The following CDKAL1 variants were observed in gnomAD, a reference collection of about 807,000 sequenced individuals.
The protein encoded by CDKAL1 is threonylcarbamoyladenosine tRNA methylthiotransferase.
In CDKAL1, 32 loss-of-function variants were observed where a neutral mutation model predicts 68.2. The observed-to-expected ratio is 0.47, with a 90% confidence interval of 0.35 to 0.63. The LOEUF is 0.63. CDKAL1 is among the 30% of genes least tolerant of loss of function. The probability of loss-of-function intolerance (pLI) is 0.00; values close to 1 mark genes in which losing one functional copy is unlikely to be tolerated. For synonymous variants in CDKAL1, 234 were observed against 244.3 expected (o/e 0.96, Z 0.39); for missense variants, 606 against 696.7 (o/e 0.87, Z 1.47).
chr6:20,802,026 G>C (rs1348854447), intron 8 of CDKAL1, among the ~76,000 whole-genome samples: 1 of 152,100 alleles, frequency 6.6e-6, no homozygotes, highest in South Asian at 2.1e-4. Context: ...GCCGGGTGCA[G>C]TGGTGGCAAA....
At chr6:20,921,874 A>G (rs1259618213) in intron 9 of CDKAL1, among the ~76,000 whole-genome samples, 2 of 152,200 alleles carry the variant, frequency 1.3e-5, no homozygotes, top group Admixed American at 1.3e-4. Context: ...AATTGCAGTT[A>G]TCTCTACTAT....
intron 4 of CDKAL1, among the ~76,000 whole-genome samples, chr6:20,605,030 C>T (rs553215691): frequency 1.1e-4 from 16 of 152,020 alleles, no homozygotes; most frequent in South Asian, 2.1e-4. Context: ...ATTTTGCAGT[C>T]CTTACACTAC....
intron 8 of CDKAL1, among the ~76,000 whole-genome samples, chr6:20,828,251 C>G (rs978219102): frequency 6.6e-6 from 1 of 151,942 alleles, no homozygotes; most frequent in Non-Finnish European, 1.5e-5. Flanking sequence ...TATTTTGAGA[C>G]AGAGTCTTGC....
chr6:20,858,403 A>G (rs781185879), intron 9 of CDKAL1, among the ~76,000 whole-genome samples: 3 of 152,164 alleles, frequency 2.0e-5, no homozygotes, highest in Admixed American at 6.5e-5. Context: ...CACACTGTAT[A>G]TAATTAGAAG....
At chr6:21,192,069 C>T (rs1259758123) in intron 13 of CDKAL1, among the ~76,000 whole-genome samples, 20 of 108,758 alleles carry the variant, frequency 1.8e-4, no homozygotes, top group African/African-American at 5.4e-4. Flanking sequence ...GGCCGGACTG[C>T]GGACTGCAGT....
At chr6:20,922,716 C>A (rs4712567) in intron 9 of CDKAL1, among the ~76,000 whole-genome samples, 145,984 of 152,294 alleles carry the variant, frequency 0.96, 69,979 homozygotes, top group East Asian at 1. Context: ...AGAACAGAGA[C>A]ATAGAAGTTT....
intron 8 of CDKAL1, among the ~76,000 whole-genome samples, chr6:20,822,815 A>G (rs570547669): frequency 9.9e-5 from 15 of 152,080 alleles, no homozygotes; most frequent in South Asian, 2.1e-4. Flanking sequence ...CCATGATTTA[A>G]GTTTCCAAGC....
intron 10 of CDKAL1, among the ~76,000 whole-genome samples, chr6:20,956,637 A>G (rs1310536164): frequency 6.6e-6 from 1 of 152,188 alleles, no homozygotes; most frequent in Non-Finnish European, 1.5e-5. Context: ...CTGAAATTTA[A>G]TGCAAATGCT....
At chr6:21,071,337 C>T (rs1002049243) in intron 12 of CDKAL1, among the ~76,000 whole-genome samples, 33 of 152,098 alleles carry the variant, frequency 2.2e-4, no homozygotes, top group African/African-American at 8.0e-4. Flanking sequence ...TCCCTCTTGA[C>T]TCTCCTCTCT....
chr6:20,837,744 T>TATAATAATAATAATA (rs56163103), intron 8 of CDKAL1, among the ~76,000 whole-genome samples: 4,973 of 148,002 alleles, frequency 0.034, 128 homozygotes, highest in Admixed American at 0.073. Context: ...CACTTCAGCA[T>TATAATAATAATAATA]ATAATAATAA....
chr6:20,587,197 A>G (rs1303116849), intron 4 of CDKAL1, among the ~76,000 whole-genome samples: 2 of 151,802 alleles, frequency 1.3e-5, no homozygotes, highest in African/African-American at 2.4e-5. Flanking sequence ...ATTTTGGCCA[A>G]GCTGATCTCG....
chr6:21,197,052 G>A (rs1778499806), intron 13 of CDKAL1, among the ~76,000 whole-genome samples: 1 of 152,010 alleles, frequency 6.6e-6, no homozygotes, highest in South Asian at 2.1e-4. Flanking sequence ...CAGCTACTCG[G>A]GAGGCTGAGG....
chr6:21,116,949 CA>C (rs1271627617), intron 13 of CDKAL1, among the ~76,000 whole-genome samples: 1 of 152,182 alleles, frequency 6.6e-6, no homozygotes, highest in Admixed American at 6.5e-5. Context: ...TGCCAAGAGC[CA>C]GAGTACTTCC....
chr6:20,844,343 A>T (rs1258560166), intron 8 of CDKAL1, among the ~76,000 whole-genome samples: 4 of 152,168 alleles, frequency 2.6e-5, no homozygotes, highest in African/African-American at 2.4e-5. Context: ...TTGCATGTTT[A>T]TGCAGCTAAG....
At chr6:20,692,987 G>A (rs1395761144) in intron 5 of CDKAL1, among the ~76,000 whole-genome samples, 4 of 151,758 alleles carry the variant, frequency 2.6e-5, no homozygotes, top group African/African-American at 7.3e-5. Context: ...AAAATTAGCC[G>A]GGCATGGTGG....
chr6:20,952,373 C>A (rs1202154774), intron 9 of CDKAL1, among the ~76,000 whole-genome samples: 1 of 152,060 alleles, frequency 6.6e-6, no homozygotes, highest in Non-Finnish European at 1.5e-5. Context: ...TTAAGCTAGC[C>A]CAGCAGGCCC....
chr6:20,889,092 G>A (rs564880779), intron 9 of CDKAL1, among the ~76,000 whole-genome samples: 2,472 of 152,158 alleles, frequency 0.016, 59 homozygotes, highest in African/African-American at 0.057. Flanking sequence ...ATCTCATTGT[G>A]GTTTTGGTTT....
At chr6:20,732,648 G>A (rs1190207866) in intron 5 of CDKAL1, among the ~76,000 whole-genome samples, 1 of 151,994 alleles carries the variant, frequency 6.6e-6, no homozygotes, top group African/African-American at 2.4e-5. Flanking sequence ...GTTCACTTTG[G>A]AGCCATAAGG....
chr6:20,556,473 T>C (rs1764047471), intron 4 of CDKAL1, among the ~76,000 whole-genome samples: 1 of 152,142 alleles, frequency 6.6e-6, no homozygotes, highest in Non-Finnish European at 1.5e-5. Context: ...ATTGATCCAG[T>C]GGAACCTCAA....
Sources: allele counts gnomAD v4.1 joint callset (sites outside exome capture counted in the v4.1 genomes callset), GRCh38; gene constraint gnomAD v4.1.1; transcripts MANE v1.5; gene names NCBI Gene and HGNC (gene_info 2026-07-23, HGNC 2026-07-21).